ERGIC2: variants seen among roughly 807,000 people sequenced by gnomAD.
ERGIC2 encodes the protein ERGIC and golgi 2.
ERGIC2 carries 31 observed loss-of-function variants against 52.5 expected under a neutral mutation model. The ratio of observed to expected loss-of-function variants is 0.59; its 90% CI spans 0.44 to 0.80. ERGIC2 has a LOEUF of 0.80. Ranked by LOEUF, ERGIC2 falls within the 30% of genes least tolerant of loss-of-function variation. The probability of loss-of-function intolerance (pLI) is 0.00; values close to 1 mark genes in which losing one functional copy is unlikely to be tolerated. For synonymous variants in ERGIC2, 129 were observed against 140.6 expected (o/e 0.92, Z 0.58); for missense variants, 395 against 455.2 (o/e 0.87, Z 1.20).
At chr12:29,355,561 A>G (rs1047359015) in intron 8 of ERGIC2, among the ~76,000 whole-genome samples, 4 of 152,296 alleles carry the variant, frequency 2.6e-5, no homozygotes, top group African/African-American at 9.6e-5. Flanking sequence ...ACAAGTGTTT[A>G]TGACAATTTC....
rs748465306 is a variant in ERGIC2, at chr12:29,340,789, G to GT, written c.*366dup. On this transcript the variant is annotated 3_prime_UTR_variant, in exon 14 of 14. Transcript: ENST00000360150. ...GATGCGAACATTTGCACTTCTCAATGTTTTTTTTTTTCCCATAGATGTAGT... is the reference window on the plus strand; with the variant it reads ...GATGCGAACATTTGCACTTCTCAATGTTTTTTTTTTTTCCCATAGATGTAGT... 13,182 of 310,826 alleles carry GT rather than the reference G, an allele frequency of 0.042. 12 individuals are homozygous for GT. Among genetic ancestry groups the GT allele is most frequent in the South Asian group, 0.065 (2,308 of 35,708 alleles). 19.3% of individuals were successfully genotyped at this position (310,826 alleles called of 1,614,324 possible).
At chr12:29,364,797 G>T (rs933692408) in intron 5 of ERGIC2, among the ~76,000 whole-genome samples, 2 of 151,838 alleles carry the variant, frequency 1.3e-5, no homozygotes, top group African/African-American at 4.8e-5. Flanking sequence ...GTCGGCAAAG[G>T]ACATGAACAC....
intron 1 of ERGIC2, among the ~76,000 whole-genome samples, chr12:29,375,135 C>T (rs1940497822): frequency 6.6e-6 from 1 of 151,928 alleles, no homozygotes; most frequent in Admixed American, 6.6e-5. Context: ...ATTTGACTAA[C>T]TCCTACTTAC....
chr12:29,380,057 TAA>T (rs60844553), intron 1 of ERGIC2, among the ~76,000 whole-genome samples: 86,990 of 148,860 alleles, frequency 0.58, 27,817 homozygotes, highest in Non-Finnish European at 0.71. Context: ...CACCATCATT[TAA>T]AAAAAAAAAA....
intron 1 of ERGIC2, among the ~76,000 whole-genome samples, chr12:29,372,213 C>T (rs1220911322): frequency 2.0e-5 from 3 of 151,788 alleles, no homozygotes; most frequent in African/African-American, 4.8e-5. Context: ...TGTGGTGGCA[C>T]GTGCCTGTAG....
intron 10 of ERGIC2, among the ~76,000 whole-genome samples, chr12:29,345,825 G>A (rs1294922798): frequency 6.6e-6 from 1 of 151,926 alleles, no homozygotes; most frequent in Non-Finnish European, 1.5e-5. Flanking sequence ...ATGCACCTGT[G>A]GGTCCCAGCT....
chr12:29,352,045 A>G (rs899005208), intron 8 of ERGIC2, among the ~76,000 whole-genome samples: 2 of 152,184 alleles, frequency 1.3e-5, no homozygotes, highest in Admixed American at 6.5e-5. Context: ...TTTGAAGTCC[A>G]TATTTCTTTT....
chr12:29,344,884 C>T (rs1591987272), intron 11 of ERGIC2, among the ~76,000 whole-genome samples: 1 of 152,036 alleles, frequency 6.6e-6, no homozygotes, highest in Non-Finnish European at 1.5e-5. Flanking sequence ...TGTCCAATTC[C>T]AAAACTTTGC....
At chr12:29,353,132 C>T (rs1940155488) in intron 8 of ERGIC2, among the ~76,000 whole-genome samples, 1 of 152,124 alleles carries the variant, frequency 6.6e-6, no homozygotes, top group South Asian at 2.1e-4. Context: ...TTAAAAAAGG[C>T]AATACAATGA....
At chr12:29,355,244 T>A (rs1419983604) in intron 8 of ERGIC2, among the ~76,000 whole-genome samples, 1 of 152,204 alleles carries the variant, frequency 6.6e-6, no homozygotes, top group Non-Finnish European at 1.5e-5. Flanking sequence ...ACAGGCTCAA[T>A]ACAACTATAA....
chr12:29,366,797 A>G, intron 5 of ERGIC2, 80 bp downstream of exon 5: 1 of 731,742 alleles, frequency 1.4e-6, no homozygotes. Flanking sequence ...ATTTCAGACA[A>G]AACTAAAAGC....
At chr12:29,343,943 A>T (rs187402279) in intron 11 of ERGIC2, among the ~76,000 whole-genome samples, 1 of 152,092 alleles carries the variant, frequency 6.6e-6, no homozygotes, top group African/African-American at 2.4e-5. Context: ...CATTTTACCA[A>T]CCCCAGTTAC....
intron 6 of ERGIC2, among the ~76,000 whole-genome samples, chr12:29,360,476 TA>T (rs1940268429): frequency 6.7e-6 from 1 of 148,200 alleles, no homozygotes; most frequent in Non-Finnish European, 1.5e-5. Context: ...TATATGTTTT[TA>T]AATATAACAC....
intron 6 of ERGIC2, among the ~76,000 whole-genome samples, 176 bp from the exon 7 acceptor site, chr12:29,357,900 G>C (rs930711414): frequency 5.3e-5 from 8 of 152,158 alleles, no homozygotes; most frequent in Non-Finnish European, 8.8e-5. Flanking sequence ...AAGCAAATGA[G>C]GCAGGGTGGC....
chr12:29,361,583 T>C, intron 6 of ERGIC2, 62 bp downstream of exon 6: 3 of 1,297,074 alleles, frequency 2.3e-6, no homozygotes, highest in Non-Finnish European at 3.2e-6. Context: ...CTATAAATAG[T>C]TTACAATAGA....
chr12:29,369,413 T>G (rs1240827353), intron 3 of ERGIC2, among the ~76,000 whole-genome samples: 1 of 151,970 alleles, frequency 6.6e-6, no homozygotes, highest in Non-Finnish European at 1.5e-5. Flanking sequence ...AAATGTTGAC[T>G]AATTTAATTC....
intron 1 of ERGIC2, among the ~76,000 whole-genome samples, chr12:29,375,246 C>T (rs1480616841): frequency 2.0e-5 from 3 of 152,148 alleles, no homozygotes; most frequent in African/African-American, 7.2e-5. Flanking sequence ...AACGTTGTAC[C>T]TTTATCACAC....
intron 1 of ERGIC2, among the ~76,000 whole-genome samples, chr12:29,372,310 T>G (rs1432421269): frequency 6.6e-6 from 1 of 151,810 alleles, no homozygotes; most frequent in Non-Finnish European, 1.5e-5. Flanking sequence ...GCCACTGCAC[T>G]GCAGTCTGGG....
chr12:29,371,463 G>C (rs1940438610), intron 2 of ERGIC2, 65 bp downstream of exon 2: 3 of 1,040,004 alleles, frequency 2.9e-6, no homozygotes, highest in East Asian at 2.5e-5. Flanking sequence ...ATTTCTATAT[G>C]TTGTTGACTG....
Sources: allele counts gnomAD v4.1 joint callset (sites outside exome capture counted in the v4.1 genomes callset), GRCh38; gene constraint gnomAD v4.1.1; transcripts MANE v1.5; gene names NCBI Gene and HGNC (gene_info 2026-07-23, HGNC 2026-07-21).